PITPNM2: variants seen among roughly 807,000 people sequenced by gnomAD.
PITPNM2 encodes phosphatidylinositol transfer protein membrane associated 2.
In PITPNM2, 35 loss-of-function variants were observed where a neutral mutation model predicts 132.2. That is an observed-to-expected ratio of 0.26 (90% CI 0.20 to 0.35). PITPNM2 has a LOEUF of 0.35. PITPNM2 is among the 10% of genes least tolerant of loss of function. The pLI, the probability that PITPNM2 is intolerant of heterozygous loss-of-function variation, is 1.00. For synonymous variants in PITPNM2, 738 were observed against 799.2 expected, an observed-to-expected ratio of 0.92 and a Z score of 1.29; for missense variants, 1,332 against 1,912.0, an observed-to-expected ratio of 0.70 and a Z score of 5.66.
In PITPNM2 at chr12:123,095,882, G is replaced by A. The variant is rs981950871; in HGVS notation, c.-96+14503C>T. 6.6e-6 allele frequency among the ~76,000 whole-genome samples: 1 copy of A among 152,210 alleles called. No individual in the cohort carries two copies. Among genetic ancestry groups the A allele is most frequent in the Non-Finnish European group, 1.5e-5 (1 of 68,040 alleles). ...CTGAGGCTCCCTTCATGGGCTCCAC[G>A]CCCCAGTGGCAGACCCCCCCAACCC... is the stretch of plus-strand genomic sequence containing the variant. On this transcript the variant is annotated intron_variant, in intron 2 of 25. Transcript: ENST00000320201. This position sits in a 1 kb window ranked among gnomAD's most constrained non-coding sequence, Gnocchi z 5.0.
At chr12:123,024,994 G>A (rs2039804485) in intron 3 of PITPNM2, among the ~76,000 whole-genome samples, 1 of 152,172 alleles carries the variant, frequency 6.6e-6, no homozygotes, top group Non-Finnish European at 1.5e-5. Flanking sequence ...TGGCAAGCAG[G>A]AAGGGGCCTC....
At chr12:123,148,324 C>T (rs2043659647) in intron 1 of PITPNM2, among the ~76,000 whole-genome samples, 1 of 152,196 alleles carries the variant, frequency 6.6e-6, no homozygotes, top group African/African-American at 2.4e-5. Flanking sequence ...ATTGACTCTG[C>T]GGTCATAAGC....
At position 123,044,085 on chromosome 12, in the gene PITPNM2, C is replaced by A. The variant is rs1287321887; in HGVS notation, c.-95-9400G>T. Among the ~76,000 whole-genome samples the A allele has an allele frequency of 5.3e-5, 8 of 152,178 alleles. No homozygotes were observed. In the East Asian group the frequency reaches 1.5e-3, roughly 29 times the overall value. Reference sequence around the variant, plus strand: ...AACACTGAGTATGGCTGAAATAAGACTGGGCCCTTAAACAAAATGCCACGG... The same window carrying A: ...AACACTGAGTATGGCTGAAATAAGAATGGGCCCTTAAACAAAATGCCACGG... On this transcript the variant is annotated intron_variant, in intron 2 of 25. Coordinates refer to ENST00000320201, the MANE Select transcript of PITPNM2 (RefSeq NM_020845.3).
At chr12:123,043,378 G>A (rs946997374) in intron 2 of PITPNM2, among the ~76,000 whole-genome samples, 8 of 152,132 alleles carry the variant, frequency 5.3e-5, no homozygotes, top group African/African-American at 1.9e-4. Flanking sequence ...GGAGGACACA[G>A]CTCCTACCCC....
intron 1 of PITPNM2, among the ~76,000 whole-genome samples, chr12:123,129,291 G>A (rs1254788594): frequency 3.3e-5 from 5 of 151,934 alleles, no homozygotes; most frequent in African/African-American, 4.8e-5. Flanking sequence ...TGGATAGGCC[G>A]GGCGTGGTGG....
rs948376699 is a variant in PITPNM2, at chr12:123,076,846, C to T, written c.-96+33539G>A. On this transcript the variant is annotated intron_variant, in intron 2 of 25. Coordinates refer to ENST00000320201, the MANE Select transcript of PITPNM2 (RefSeq NM_020845.3). ...ACTTCTAAGAACTGGGTGCTAAATC[C>T]GGTTTCTTTGGCCCTCACTTTCCAT... 9.9e-5 allele frequency among the ~76,000 whole-genome samples: 15 copies of T among 152,240 alleles called. No individual in the cohort carries two copies. In the East Asian group the frequency reaches 1.7e-3, roughly 18 times the overall value.
At position 123,078,435 on chromosome 12, in the gene PITPNM2, G is replaced by C. The variant is rs1395743077; in HGVS notation, c.-96+31950C>G. 6.6e-6 allele frequency among the ~76,000 whole-genome samples: 1 copy of C among 152,178 alleles called. No homozygotes were observed. Among genetic ancestry groups the C allele is most frequent in the Non-Finnish European group, 1.5e-5 (1 of 68,030 alleles). ...GGCTCGTGGTGCTCCGCTGCCCCAAGAGCCTGGGCCCTCCGTCTCACGCCA... is the reference window on the plus strand; with the variant it reads ...GGCTCGTGGTGCTCCGCTGCCCCAACAGCCTGGGCCCTCCGTCTCACGCCA... On this transcript the variant is annotated intron_variant, in intron 2 of 25. Transcript: ENST00000320201. The surrounding 1 kb of genome is among the most constrained non-coding windows in gnomAD (Gnocchi z 7.3).
intron 3 of PITPNM2, among the ~76,000 whole-genome samples, chr12:123,020,933 G>T (rs1434463898): frequency 6.6e-6 from 1 of 151,292 alleles, no homozygotes; most frequent in African/African-American, 2.4e-5. Flanking sequence ...GGAAGGCTGA[G>T]GCAGGAGAAT....
In PITPNM2 at chr12:123,054,130, T is replaced by G. The variant is rs138437978; in HGVS notation, c.-95-19445A>C. On this transcript the variant is annotated intron_variant, in intron 2 of 25. Transcript: ENST00000320201. ...TAATTTTTTATTTTTATTTTTATCC[T>G]AGGGACAGGGTCTTACACTCTGTCA... Among the ~76,000 whole-genome samples the G allele has an allele frequency of 5.7e-4, 87 of 152,306 alleles. No homozygotes were observed. The East Asian group carries it at 0.016, about 27-fold the overall frequency.
rs2038209753 is a variant in PITPNM2 at position 122,992,009 on chromosome 12, GACGCTGGGACAC to G, written c.2404+478_2404+489del. On this transcript the variant is annotated intron_variant, in intron 16 of 25. Transcript: ENST00000320201. This position sits in a 1 kb window ranked among gnomAD's most constrained non-coding sequence, Gnocchi z 6.5. The stretch of plus-strand genomic sequence containing the variant: ...CTCCTCGAGGACCAGGACGTGACAA[GACGCTGGGACAC>G]ACGCTGGGGCAGGGGTCGGGCCAAG... 9.7e-7 allele frequency: 1 copy of G among 1,032,670 alleles called. No homozygotes were observed. 64.0% of individuals were successfully genotyped at this position (1,032,670 alleles called of 1,614,324 possible). A position where few individuals can be genotyped will look rare whatever the true frequency, so the allele number is the denominator to read the frequency against.
Position 122,994,739 on chromosome 12 carries a change from T to A in PITPNM2, c.2233+62A>T, listed in dbSNP as rs2038345156. 3 of 1,513,070 alleles carry A rather than the reference T, an allele frequency of 2.0e-6. No homozygotes were observed. The highest frequency in any genetic ancestry group is 8.9e-7 in the Non-Finnish European group (1 of 1,126,668). 93.7% of individuals were successfully genotyped at this position (1,513,070 alleles called of 1,614,324 possible). A position where few individuals can be genotyped will look rare whatever the true frequency, so the allele number is the denominator to read the frequency against. On this transcript the variant is annotated intron_variant, in intron 15 of 25. Transcript: ENST00000320201. The surrounding 1 kb of genome is among the most constrained non-coding windows in gnomAD (Gnocchi z 5.4). The stretch of plus-strand genomic sequence containing the variant: ...CCATGATCTCATCACAGGGGTCCAC[T>A]GAGACCCCCGCCCCCGCACCCAGTG...
rs1055373895 is a variant in PITPNM2, at chr12:123,097,869, G to A, written c.-96+12516C>T. Reference sequence around the variant, plus strand: ...TATGAGGAACAGCTGGACAGAGCTCGGAAAGCGGCTGCAGCCAGATGGGAA... The same window carrying A: ...TATGAGGAACAGCTGGACAGAGCTCAGAAAGCGGCTGCAGCCAGATGGGAA... On this transcript the variant is annotated intron_variant, in intron 2 of 25. Transcript: ENST00000320201. The surrounding 1 kb of genome is among the most constrained non-coding windows in gnomAD (Gnocchi z 4.7). Among the ~76,000 whole-genome samples the A allele has an allele frequency of 7.9e-5, 12 of 152,332 alleles. No homozygotes were observed. Among genetic ancestry groups the A allele is most frequent in the Non-Finnish European group, 1.3e-4 (9 of 68,036 alleles).
At chr12:123,102,056 TA>T (rs2042576234) in intron 2 of PITPNM2, among the ~76,000 whole-genome samples, 1 of 152,188 alleles carries the variant, frequency 6.6e-6, no homozygotes, top group Non-Finnish European at 1.5e-5. Flanking sequence ...CACTAATTTG[TA>T]GGCACAACCT....
At position 123,077,020 on chromosome 12, in the gene PITPNM2, C is replaced by A. The variant is rs2041811703; in HGVS notation, c.-96+33365G>T. ...CTGCGCTGCTGAGGGGTTAGCCTCACAGATTCCCTCTGGGAAAGCCACTTA... is the reference window on the plus strand; with the variant it reads ...CTGCGCTGCTGAGGGGTTAGCCTCAAAGATTCCCTCTGGGAAAGCCACTTA... On this transcript the variant is annotated intron_variant, in intron 2 of 25. Transcript: ENST00000320201. The surrounding 1 kb of genome is among the most constrained non-coding windows in gnomAD (Gnocchi z 4.8). Among the ~76,000 whole-genome samples the A allele has an allele frequency of 6.6e-6, 1 of 152,206 alleles. No homozygotes were observed. The highest frequency in any genetic ancestry group is 1.5e-5 in the Non-Finnish European group (1 of 68,036).
chr12:123,027,824 G>A (rs2136386859), intron 3 of PITPNM2, among the ~76,000 whole-genome samples: 1 of 152,368 alleles, frequency 6.6e-6, no homozygotes, highest in East Asian at 1.9e-4. Context: ...ACCAAGGGCA[G>A]CCAGTCCTCC....
intron 2 of PITPNM2, among the ~76,000 whole-genome samples, chr12:123,071,755 G>C (rs2041627625): frequency 6.6e-6 from 1 of 152,222 alleles, no homozygotes; most frequent in African/African-American, 2.4e-5. Context: ...ACGCCCATGG[G>C]GGGACCATCA....
intron 11 of PITPNM2, 66 bp from the exon 12 acceptor site, chr12:122,996,976 CT>C (rs2038456806): frequency 1.8e-5 from 25 of 1,398,056 alleles, no homozygotes; most frequent in Non-Finnish European, 2.4e-5. Flanking sequence ...CCCCTCTCCC[CT>C]GACCTGAGTC....
Position 123,083,250 on chromosome 12 carries a change from A to C in PITPNM2, c.-96+27135T>G, listed in dbSNP as rs1054182625. The C allele has an allele frequency of 3.3e-5, 5 of 152,242 alleles. No homozygotes were observed. Among genetic ancestry groups the C allele is most frequent in the Non-Finnish European group, 5.9e-5 (4 of 68,060 alleles). The allele number at this position is 152,242 out of a possible 1,614,324, so 9.4% of individuals were successfully genotyped here. ...CTCCTACTAGAATGGAGTCTCTACG[A>C]GGGCAGGGATGTTGGTTGGCTGTAT... On this transcript the variant is annotated intron_variant, in intron 2 of 25. Transcript: ENST00000320201. The surrounding 1 kb of genome is among the most constrained non-coding windows in gnomAD (Gnocchi z 4.5).
intron 3 of PITPNM2, chr12:123,021,748 TA>T (rs1378310692): frequency 2.1e-6 from 2 of 968,226 alleles, no homozygotes; most frequent in African/African-American, 3.5e-5. Context: ...GCTTAGAGCA[TA>T]GTTTCTGTGG....
Sources: allele counts gnomAD v4.1 joint callset (sites outside exome capture counted in the v4.1 genomes callset), GRCh38; gene constraint gnomAD v4.1.1; non-coding constraint Gnocchi (gnomAD v3.1); transcripts MANE v1.5; gene names NCBI Gene and HGNC (gene_info 2026-07-23, HGNC 2026-07-21).